The following NEK7 variants were observed in gnomAD, a reference collection of about 807,000 sequenced individuals.
NEK7 encodes NIMA related kinase 7.
A neutral mutation model predicts 44.6 loss-of-function variants in NEK7; 18 were observed. The ratio of observed to expected loss-of-function variants is 0.40; its 90% confidence interval spans 0.28 to 0.60. The LOEUF (loss-of-function observed/expected upper bound fraction) is 0.60. Among genes scored for constraint, NEK7 ranks in the 20% least tolerant of loss-of-function variants. The pLI, the probability that NEK7 is intolerant of heterozygous loss-of-function variation, is 0.38. For missense variants in NEK7, 256 were observed against 366.5 expected, an observed-to-expected ratio of 0.70 and a Z score of 2.46; for synonymous variants, 130 against 121.1, an observed-to-expected ratio of 1.07 and a Z score of -0.48.
At chr1:198,257,422 A>G (rs1653304530) in intron 3 of NEK7, among the ~76,000 whole-genome samples, 1 of 152,196 alleles carries the variant, frequency 6.6e-6, no homozygotes, top group African/African-American at 2.4e-5. Flanking sequence ...ATTAGAAATT[A>G]GGATTATATA....
At chr1:198,317,886 T>TTG (rs1558109596) in intron 9 of NEK7, among the ~76,000 whole-genome samples, 6 of 142,544 alleles carry the variant, frequency 4.2e-5, no homozygotes, top group South Asian at 2.2e-4. Context: ...TATTTTTTTT[T>TTG]TTTTTTTTTT....
intron 2 of NEK7, among the ~76,000 whole-genome samples, chr1:198,250,610 G>A (rs1652912282): frequency 1.4e-5 from 2 of 138,302 alleles, no homozygotes; most frequent in Admixed American, 1.5e-4. Flanking sequence ...CTTGTAAGTT[G>A]GATTCCTAGG....
intron 1 of NEK7, among the ~76,000 whole-genome samples, chr1:198,182,540 G>C (rs1375097941): frequency 1.3e-5 from 2 of 152,130 alleles, no homozygotes; most frequent in African/African-American, 4.8e-5. Context: ...TGCCAGGCCT[G>C]TGGCCATTGA....
At chr1:198,211,310 A>G (rs1665762428) in intron 1 of NEK7, among the ~76,000 whole-genome samples, 1 of 152,210 alleles carries the variant, frequency 6.6e-6, no homozygotes, top group South Asian at 2.1e-4. Context: ...CCTTATTATT[A>G]TAGGAAATTA....
intron 1 of NEK7, among the ~76,000 whole-genome samples, chr1:198,225,060 TG>T (rs1216112594): frequency 3.0e-4 from 46 of 152,130 alleles, no homozygotes; most frequent in Non-Finnish European, 4.3e-4. Flanking sequence ...GTCATGATCC[TG>T]GCCAGACATG....
chr1:198,311,113 T>C (rs1249669007), intron 9 of NEK7, among the ~76,000 whole-genome samples: 1 of 149,428 alleles, frequency 6.7e-6, no homozygotes, highest in African/African-American at 2.5e-5. Context: ...TTTTATTTCC[T>C]TGAGCAGTGG....
At chr1:198,278,143 T>TA in intron 6 of NEK7, 74 bp downstream of exon 6, 1 of 800,242 alleles carries the variant, frequency 1.2e-6, no homozygotes, top group African/African-American at 1.7e-5. Context: ...TGTCTTCAAG[T>TA]CAGTACATAA....
chr1:198,256,428 C>T lies in NEK7; in HGVS notation c.198+3248C>T, dbSNP rs757532969. On this transcript the variant is annotated intron_variant, in intron 3 of 9. Coordinates refer to ENST00000367385, the MANE Select transcript of NEK7 (RefSeq NM_133494.3). ...TCTGAGAGCCTACAGTATATGGCAA[C>T]ATTAACCAATCTTTTTGAAAATTTA... 37 of 1,610,630 alleles carry T rather than the reference C, an allele frequency of 2.3e-5. 1 individual carries two copies. In the South Asian group the frequency reaches 4.1e-4, roughly 18 times the overall value.
At chr1:198,301,928 T>A (rs546541081) in intron 9 of NEK7, among the ~76,000 whole-genome samples, 61 of 152,316 alleles carry the variant, frequency 4.0e-4, no homozygotes, top group African/African-American at 1.4e-3. Flanking sequence ...GATACAATAT[T>A]TGTGGTTATT....
chr1:198,246,600 G>A (rs972542433), intron 2 of NEK7, among the ~76,000 whole-genome samples: 1 of 152,246 alleles, frequency 6.6e-6, no homozygotes, highest in Non-Finnish European at 1.5e-5. Context: ...CCAAGACAGT[G>A]TGTGATCTGA....
chr1:198,193,477 G>T (rs1314868140), intron 1 of NEK7, among the ~76,000 whole-genome samples: 1 of 152,082 alleles, frequency 6.6e-6, no homozygotes, highest in Non-Finnish European at 1.5e-5. Context: ...GCATCATCCT[G>T]ATACCAAAAC....
intron 7 of NEK7, among the ~76,000 whole-genome samples, chr1:198,291,654 G>A (rs545229825): frequency 2.7e-5 from 4 of 149,280 alleles, no homozygotes; most frequent in Middle Eastern, 6.8e-3. Context: ...TTTTTTTAAC[G>A]TTTCTTCATC....
At chr1:198,232,518 T>G (rs1666426623) in intron 1 of NEK7, 35 bp from the exon 2 acceptor site, 1 of 937,364 alleles carries the variant, frequency 1.1e-6, no homozygotes, top group Non-Finnish European at 1.8e-6. Flanking sequence ...TGGTAATGAT[T>G]ACATTATTTA....
intron 7 of NEK7, among the ~76,000 whole-genome samples, chr1:198,286,160 T>G (rs907424451): frequency 3.3e-5 from 5 of 152,220 alleles, no homozygotes; most frequent in Non-Finnish European, 7.3e-5. Context: ...AATACTCATA[T>G]GGACTAAGTG....
intron 1 of NEK7, among the ~76,000 whole-genome samples, chr1:198,222,568 T>C (rs1666101353): frequency 6.6e-6 from 1 of 152,166 alleles, no homozygotes; most frequent in African/African-American, 2.4e-5. Context: ...GTGGAATCAT[T>C]TTTAACTTCC....
chr1:198,199,954 G>C (rs1457790714), intron 1 of NEK7, among the ~76,000 whole-genome samples: 1 of 151,884 alleles, frequency 6.6e-6, no homozygotes, highest in Non-Finnish European at 1.5e-5. Flanking sequence ...CATCTTATTT[G>C]TTTTCTATTG....
Position 198,297,112 on chromosome 1 carries a change from G to T in NEK7, c.685-15G>T. 6.6e-7 allele frequency: 1 copy of T among 1,523,816 alleles called. No homozygotes were observed. Among genetic ancestry groups the T allele is most frequent in the Non-Finnish European group, 9.1e-7 (1 of 1,099,216 alleles). The allele number at this position is 1,523,816 out of a possible 1,614,324, so 94.4% of individuals were successfully genotyped here. ...ACCATCTAACTATATCAGTTTCATT[G>T]GGGGCATTTTACAGATGGCTGCATT... On this transcript the variant is annotated splice_polypyrimidine_tract_variant and intron_variant, in intron 8 of 9. Transcript: ENST00000367385.
At chr1:198,281,910 G>T (rs1654211860) in intron 7 of NEK7, among the ~76,000 whole-genome samples, 1 of 151,992 alleles carries the variant, frequency 6.6e-6, no homozygotes, top group Non-Finnish European at 1.5e-5. Context: ...TTTCCAATTA[G>T]TTTTCAGAAC....
At chr1:198,224,301 T>TA (rs35572969) in intron 1 of NEK7, among the ~76,000 whole-genome samples, 22,416 of 152,110 alleles carry the variant, frequency 0.15, 2,175 homozygotes, top group South Asian at 0.26. Flanking sequence ...CAAAAATACT[T>TA]ACCACTGTGT....
Sources: gnomAD v4.1 joint callset for allele counts (sites outside exome capture counted in the v4.1 genomes callset) on GRCh38, gnomAD v4.1.1 for gene constraint, MANE v1.5 for transcripts, NCBI Gene and HGNC (gene_info 2026-07-23, HGNC 2026-07-21) for gene names.